AGO1: variants seen among roughly 807,000 people sequenced by gnomAD.
The protein encoded by AGO1 is argonaute RISC component 1.
Under a neutral mutation model 109.2 loss-of-function variants are expected in AGO1, and 11 were observed. The observed-to-expected ratio is 0.10, with a 90% CI of 0.06 to 0.17. The LOEUF (loss-of-function observed/expected upper bound fraction) is 0.17. Ranked by LOEUF, AGO1 falls within the 10% of genes least tolerant of loss-of-function variation. The probability of loss-of-function intolerance (pLI) is 1.00; values close to 1 mark genes in which losing one functional copy is unlikely to be tolerated. For synonymous variants in AGO1, 422 were observed against 418.6 expected, an observed-to-expected ratio of 1.01 and a Z score of -0.10; for missense variants, 574 against 1,140.3, an observed-to-expected ratio of 0.50 and a Z score of 7.15.
chr1:35,929,585 G>A lies in AGO1; in HGVS notation c.*9978G>A, dbSNP rs1031750925. 1 of 152,090 alleles carries A rather than the reference G, an allele frequency of 6.6e-6. No homozygotes were observed. The highest frequency in any genetic ancestry group is 1.5e-5 in the Non-Finnish European group (1 of 68,020). 9.4% of individuals were successfully genotyped at this position (152,090 alleles called of 1,614,324 possible). A position where few individuals can be genotyped will look rare whatever the true frequency, so the allele number is the denominator to read the frequency against. Reference sequence around the variant, plus strand: ...CAAGATTTGGATTGTGTACAGTCGAGGATTAAAAATGACTTTTAAGATGCA... The same window carrying A: ...CAAGATTTGGATTGTGTACAGTCGAAGATTAAAAATGACTTTTAAGATGCA... On this transcript the variant is annotated 3_prime_UTR_variant, in exon 19 of 19. Coordinates refer to ENST00000373204, the MANE Select transcript of AGO1 (RefSeq NM_012199.5).
chr1:35,870,575 C>A (rs1306094558), intron 1 of AGO1, among the ~76,000 whole-genome samples: 26 of 152,180 alleles, frequency 1.7e-4, no homozygotes, highest in Admixed American at 1.7e-3. Context: ...AGCCACCGCG[C>A]CTGGCCATAT....
Position 35,901,038 on chromosome 1 carries a change from G to T in AGO1, c.1021-436G>T, listed in dbSNP as rs1645406694. On this transcript the variant is annotated intron_variant, in intron 8 of 18. Transcript: ENST00000373204. This position sits in a 1 kb window ranked among gnomAD's most constrained non-coding sequence, Gnocchi z 4.8. ...ACTCTGTCACCCAGGCTGGCGTTCAGTGGCGTGATCTGGGCTCACTGCAAC... is the reference window on the plus strand; with the variant it reads ...ACTCTGTCACCCAGGCTGGCGTTCATTGGCGTGATCTGGGCTCACTGCAAC... Among the ~76,000 whole-genome samples the T allele has an allele frequency of 6.7e-6, 1 of 149,310 alleles. No individual in the cohort carries two copies. Among genetic ancestry groups the T allele is most frequent in the Non-Finnish European group, 1.5e-5 (1 of 67,736 alleles).
At chr1:35,885,386 T>C (rs908913105) in intron 1 of AGO1, among the ~76,000 whole-genome samples, 3 of 151,998 alleles carry the variant, frequency 2.0e-5, no homozygotes, top group Admixed American at 2.0e-4. Context: ...AATAAGCTTA[T>C]AGGAAAGGAG....
chr1:35,919,516 T>C lies in AGO1; in HGVS notation c.2483T>C (p.Ile828Thr). The change falls in exon 19 of 19, where the codon ATA (isoleucine) becomes ACA (threonine). Residue 828 changes from isoleucine to threonine, a missense_variant. This residue lies in a region of AGO1 where 33 missense variants were observed against 44.2 expected (regional missense o/e 0.75). Coordinates refer to ENST00000373204, the MANE Select transcript of AGO1 (RefSeq NM_012199.5). This position sits in a 1 kb window ranked among gnomAD's most constrained non-coding sequence, Gnocchi z 6.6. ...KEHDSGEGSHISGQSNGRDPQ... is the reference protein window; with the variant it reads ...KEHDSGEGSHTSGQSNGRDPQ... ...CTTTTCAGTGGAGAGGGGAGCCACA[T>C]ATCGGGGCAGAGCAATGGGCGGGAC... The C allele has an allele frequency of 6.2e-7, 1 of 1,613,900 alleles. No homozygotes were observed.
intron 1 of AGO1, among the ~76,000 whole-genome samples, chr1:35,877,899 G>A (rs11805498): frequency 4.2e-4 from 63 of 151,668 alleles, no homozygotes; most frequent in African/African-American, 1.5e-3. Flanking sequence ...CACCATATTG[G>A]CCAGGCTGGT....
intron 11 of AGO1, among the ~76,000 whole-genome samples, chr1:35,902,539 G>A (rs1163947723): frequency 6.6e-6 from 1 of 152,170 alleles, no homozygotes; most frequent in Non-Finnish European, 1.5e-5. Flanking sequence ...CCATATCTAT[G>A]TCAAAGATGA....
chr1:35,919,841 T>G lies in AGO1; in HGVS notation c.*234T>G. 1 of 534,358 alleles carries G rather than the reference T, an allele frequency of 1.9e-6. No individual in the cohort carries two copies. The highest frequency in any genetic ancestry group is 3.4e-6 in the Non-Finnish European group (1 of 297,884). The allele number at this position is 534,358 out of a possible 1,614,324, so 33.1% of individuals were successfully genotyped here. ...GTCCCCCACCCCTCACCCCATCTTG[T>G]CACATCTGGCCCTGACCCCACTGGA... On this transcript the variant is annotated 3_prime_UTR_variant, in exon 19 of 19. Transcript: ENST00000373204. The surrounding 1 kb of genome is among the most constrained non-coding windows in gnomAD (Gnocchi z 6.6).
intron 7 of AGO1, among the ~76,000 whole-genome samples, chr1:35,894,750 G>C (rs954748959): frequency 1.3e-5 from 2 of 152,170 alleles, no homozygotes; most frequent in Non-Finnish European, 2.9e-5. Context: ...CCTTGGGGAA[G>C]CTGTCATTGA....
At chr1:35,912,512 A>C in intron 12 of AGO1, among the ~76,000 whole-genome samples, 1 of 152,148 alleles carries the variant, frequency 6.6e-6, no homozygotes, top group East Asian at 1.9e-4. Flanking sequence ...ATGACCAAAA[A>C]ACTACTTCAG....
At chr1:35,872,597 G>T (rs949006132) in intron 1 of AGO1, among the ~76,000 whole-genome samples, 5 of 151,658 alleles carry the variant, frequency 3.3e-5, no homozygotes, top group Middle Eastern at 3.4e-3. Context: ...TTTAGAGACA[G>T]GGTGTGGCTC....
intron 1 of AGO1, among the ~76,000 whole-genome samples, chr1:35,876,297 C>T (rs1220944568): frequency 1.3e-5 from 2 of 149,558 alleles, no homozygotes. Context: ...GACGGAGTCT[C>T]ACTCTGTTGC....
At chr1:35,870,185 G>A (rs1451831979) in intron 1 of AGO1, among the ~76,000 whole-genome samples, 1 of 152,006 alleles carries the variant, frequency 6.6e-6, no homozygotes, top group Non-Finnish European at 1.5e-5. Flanking sequence ...TTGTTGAAGG[G>A]GTTGACTAAT....
At position 35,922,093 on chromosome 1, in the gene AGO1, T is replaced by C. The variant is rs1645843752; in HGVS notation, c.*2486T>C. The C allele has an allele frequency of 6.5e-6, 1 of 152,700 alleles. No individual in the cohort carries two copies. The highest frequency in any genetic ancestry group is 1.5e-5 in the Non-Finnish European group (1 of 68,084). The allele number at this position is 152,700 out of a possible 1,614,324, so 9.5% of individuals were successfully genotyped here. On this transcript the variant is annotated 3_prime_UTR_variant, in exon 19 of 19. Transcript: ENST00000373204. ...ATTCACCAGCATTTGCAAATGTCCA[T>C]AGGGAGCAGGTGGCAGCCTCTACTC...
chr1:35,872,718 T>G (rs1368591481), intron 1 of AGO1, among the ~76,000 whole-genome samples: 1 of 152,032 alleles, frequency 6.6e-6, no homozygotes, highest in East Asian at 1.9e-4. Flanking sequence ...ACTACAGTGA[T>G]GTACCACTGG....
chr1:35,894,334 C>A lies in AGO1; in HGVS notation c.804C>A (p.Thr268=), dbSNP rs1428675136. ...TCTCAGGCCTGAAGGTGGAAGTCACCCACTGTGGACAGATGAAGAGGAAGT... is the reference window on the plus strand; with the variant it reads ...TCTCAGGCCTGAAGGTGGAAGTCACACACTGTGGACAGATGAAGAGGAAGT... ...KEIKGLKVEV[T]HCGQMKRKYR... is the part of the protein sequence containing the mutation. Residue 268 remains threonine (T), a synonymous_variant, in exon 7 of 19, where the codon ACC becomes ACA. Transcript: ENST00000373204. The A allele has an allele frequency of 6.2e-7, 1 of 1,614,178 alleles. No individual in the cohort carries two copies. Among genetic ancestry groups the A allele is most frequent in the African/African-American group, 1.3e-5 (1 of 75,038 alleles).
chr1:35,883,598 TC>T lies in AGO1; in HGVS notation c.25+154del. The T allele has an allele frequency of 8.0e-7, 1 of 1,246,506 alleles. No individual in the cohort carries two copies. The highest frequency in any genetic ancestry group is 1.1e-6 in the Non-Finnish European group (1 of 946,348). The allele number at this position is 1,246,506 out of a possible 1,614,324, so 77.2% of individuals were successfully genotyped here. A position where few individuals can be genotyped will look rare whatever the true frequency, so the allele number is the denominator to read the frequency against. On this transcript the variant is annotated intron_variant, in intron 1 of 18. Coordinates refer to ENST00000373204, the MANE Select transcript of AGO1 (RefSeq NM_012199.5). This position sits in a 1 kb window ranked among gnomAD's most constrained non-coding sequence, Gnocchi z 5.4. Reference sequence around the variant, plus strand: ...CAGTTTGAAGGAGGCTGTGTGCAGTTCCGGGGGAGAACCATGTGAAGAGAGC... The same window carrying T: ...CAGTTTGAAGGAGGCTGTGTGCAGTTCGGGGGAGAACCATGTGAAGAGAGC...
Position 35,929,357 on chromosome 1 carries a change from G to C in AGO1, c.*9750G>C, listed in dbSNP as rs1390026558. ...ACATTTACTGAGATGGATTGAATCA[G>C]AGGGTGTAAATTCTGCTCCATCAAT... On this transcript the variant is annotated 3_prime_UTR_variant, in exon 19 of 19. Transcript: ENST00000373204. 3 of 152,242 alleles carry C rather than the reference G, an allele frequency of 2.0e-5. No homozygotes were observed. Among genetic ancestry groups the C allele is most frequent in the Non-Finnish European group, 4.4e-5 (3 of 68,040 alleles). The allele number at this position is 152,242 out of a possible 1,614,324, so 9.4% of individuals were successfully genotyped here.
At chr1:35,895,313 CCTGCATG>C in intron 8 of AGO1, 44 bp downstream of exon 8, 2 of 1,557,506 alleles carry the variant, frequency 1.3e-6, no homozygotes, top group Non-Finnish European at 1.7e-6. Flanking sequence ...ATTGTATATA[CCTGCATG>C]CTGATCATCA....
Position 35,902,190 on chromosome 1 carries a change from C to T in AGO1, c.1264-14C>T. The T allele has an allele frequency of 6.2e-7, 1 of 1,611,596 alleles. No homozygotes were observed. The highest frequency in any genetic ancestry group is 1.7e-4 in the Middle Eastern group (1 of 6,036). On this transcript the variant is annotated splice_polypyrimidine_tract_variant and intron_variant, in intron 10 of 18. Transcript: ENST00000373204. ...ACTGAGGCTCACCTAGGCGCCCCCT[C>T]TACCTATCCCCAGAACCGGGCCATT...
Sources: gnomAD v4.1 joint callset for allele counts (sites outside exome capture counted in the v4.1 genomes callset) on GRCh38, gnomAD v4.1.1 for gene constraint, gnomAD v4.1.1 regional missense constraint, Gnocchi (gnomAD v3.1) non-coding constraint, MANE v1.5 for transcripts, NCBI Gene and HGNC (gene_info 2026-07-23, HGNC 2026-07-21) for gene names.